Variants in SERTM1 observed in about 807,000 individuals in gnomAD.
SERTM1 encodes the protein serine rich and transmembrane domain containing 1.
SERTM1 carries 1 observed loss-of-function variant against 5.5 expected under a neutral mutation model. That is an observed-to-expected ratio of 0.18 (90% CI 0.06 to 0.86). The LOEUF (loss-of-function observed/expected upper bound fraction) is 0.86. SERTM1 is among the 40% of genes least tolerant of loss of function. SERTM1 has a pLI of 0.69. For missense variants in SERTM1, 91 were observed against 122.4 expected (o/e 0.74, Z 1.21); for synonymous variants, 52 against 55.1 (o/e 0.94, Z 0.25).
At chr13:36,694,844 C>T in intron 1 of SERTM1, 62 bp from the exon 2 acceptor site, 1 of 519,078 alleles carries the variant, frequency 1.9e-6, no homozygotes, top group East Asian at 3.2e-5. Context: ...GAAATAAAAC[C>T]TAAAAATGGA....
intron 1 of SERTM1, among the ~76,000 whole-genome samples, chr13:36,680,422 T>A (rs1234192897): frequency 2.6e-5 from 4 of 152,120 alleles, no homozygotes; most frequent in African/African-American, 4.8e-5. Flanking sequence ...TTAAAAAAAA[T>A]TAACTTCTTT....
chr13:36,679,144 C>T (rs1257163822), intron 1 of SERTM1, among the ~76,000 whole-genome samples: 3 of 152,014 alleles, frequency 2.0e-5, no homozygotes, highest in Non-Finnish European at 4.4e-5. Context: ...TGGTGCCAGG[C>T]TCAAAAAAAA....
chr13:36,686,721 A>T (rs1230814832), intron 1 of SERTM1, among the ~76,000 whole-genome samples: 2 of 152,194 alleles, frequency 1.3e-5, no homozygotes, highest in African/African-American at 4.8e-5. Flanking sequence ...TAATTATCTA[A>T]TGTACAGTCT....
intron 1 of SERTM1, among the ~76,000 whole-genome samples, chr13:36,684,660 T>C (rs680199): frequency 0.35 from 52,591 of 151,418 alleles, 9,425 homozygotes; most frequent in Non-Finnish European, 0.38. Context: ...ATGATGTGTC[T>C]CTGCATCCCA....
At position 36,695,510 on chromosome 13, in the gene SERTM1, G is replaced by GCTTCTC. The variant is rs2056807751; in HGVS notation, c.*118_*123dup. The GCTTCTC allele has an allele frequency of 1.3e-6, 1 of 765,708 alleles. No individual in the cohort carries two copies. Among genetic ancestry groups the GCTTCTC allele is most frequent in the African/African-American group, 1.8e-5 (1 of 56,858 alleles). The allele number at this position is 765,708 out of a possible 1,614,324, so 47.4% of individuals were successfully genotyped here. ...GAAATGATCCTTTTGGTGTAGACCT[G>GCTTCTC]CTTCTCCTTCTCCTTTTTCTCTGAT... is the stretch of plus-strand genomic sequence containing the variant. On this transcript the variant is annotated 3_prime_UTR_variant, in exon 2 of 2. Coordinates refer to ENST00000315190, the MANE Select transcript of SERTM1 (RefSeq NM_203451.3).
chr13:36,690,953 C>T (rs544139256), intron 1 of SERTM1, among the ~76,000 whole-genome samples: 1 of 152,198 alleles, frequency 6.6e-6, no homozygotes, highest in Non-Finnish European at 1.5e-5. Flanking sequence ...CGCAAGGGAA[C>T]AAAGCAGCTT....
At chr13:36,694,224 A>T (rs1437698532) in intron 1 of SERTM1, among the ~76,000 whole-genome samples, 2 of 152,096 alleles carry the variant, frequency 1.3e-5, no homozygotes, top group Non-Finnish European at 2.9e-5. Flanking sequence ...CAGACCTCAA[A>T]CCTAAGTCTC....
At chr13:36,679,677 G>A (rs918085657) in intron 1 of SERTM1, among the ~76,000 whole-genome samples, 6 of 152,138 alleles carry the variant, frequency 3.9e-5, no homozygotes, top group African/African-American at 1.4e-4. Flanking sequence ...AAAGTGCTGG[G>A]ATTACAGGTG....
At chr13:36,690,099 G>T (rs2056768419) in intron 1 of SERTM1, among the ~76,000 whole-genome samples, 1 of 152,158 alleles carries the variant, frequency 6.6e-6, no homozygotes, top group Admixed American at 6.5e-5. Context: ...AAATTAAAAA[G>T]ATTGTTCATT....
intron 1 of SERTM1, among the ~76,000 whole-genome samples, chr13:36,678,496 C>T (rs1202883833): frequency 6.7e-6 from 1 of 150,224 alleles, no homozygotes; most frequent in African/African-American, 2.4e-5. Flanking sequence ...GAACAACACA[C>T]ACTGGGGCCT....
intron 1 of SERTM1, among the ~76,000 whole-genome samples, chr13:36,680,650 T>C (rs1453716876): frequency 1.3e-5 from 2 of 152,240 alleles, no homozygotes; most frequent in African/African-American, 2.4e-5. Flanking sequence ...TAAAGACTTG[T>C]AGCTCTCTGA....
chr13:36,693,408 TC>T (rs1314357301), intron 1 of SERTM1, among the ~76,000 whole-genome samples: 1 of 151,610 alleles, frequency 6.6e-6, no homozygotes, highest in Non-Finnish European at 1.5e-5. Context: ...TTTTTTTTTT[TC>T]CTTAAGGTTG....
At position 36,697,083 on chromosome 13, in the gene SERTM1, T is replaced by C. The variant is rs2056819326; in HGVS notation, c.*1681T>C. On this transcript the variant is annotated 3_prime_UTR_variant, in exon 2 of 2. Coordinates refer to ENST00000315190, the MANE Select transcript of SERTM1 (RefSeq NM_203451.3). Reference sequence around the variant, plus strand: ...AAATCAGAACACATTTAACTATTTATATATCAAAAACGTCCCCAAACACCA... The same window carrying C: ...AAATCAGAACACATTTAACTATTTACATATCAAAAACGTCCCCAAACACCA... 1 of 166,984 alleles carries C rather than the reference T, an allele frequency of 6.0e-6. No individual in the cohort carries two copies. Among genetic ancestry groups the C allele is most frequent in the South Asian group, 2.1e-4 (1 of 4,822 alleles). 10.3% of individuals were successfully genotyped at this position (166,984 alleles called of 1,614,324 possible).
At chr13:36,690,473 A>G (rs1462895900) in intron 1 of SERTM1, among the ~76,000 whole-genome samples, 1 of 152,194 alleles carries the variant, frequency 6.6e-6, no homozygotes, top group Non-Finnish European at 1.5e-5. Context: ...GAAGATTTAC[A>G]TTTAGAGAAG....
rs2056811893 is a variant in SERTM1 at position 36,696,077 on chromosome 13, G to A, written c.*675G>A. Reference sequence around the variant, plus strand: ...GCTTGTGATGTATTTCTGCCTCCTGGAGTTTTATTTTGTTTTTCTGCTTAT... The same window carrying A: ...GCTTGTGATGTATTTCTGCCTCCTGAAGTTTTATTTTGTTTTTCTGCTTAT... On this transcript the variant is annotated 3_prime_UTR_variant, in exon 2 of 2. Coordinates refer to ENST00000315190, the MANE Select transcript of SERTM1 (RefSeq NM_203451.3). The A allele has an allele frequency of 6.0e-6, 1 of 166,852 alleles. No individual in the cohort carries two copies. The highest frequency in any genetic ancestry group is 1.5e-5 in the Non-Finnish European group (1 of 68,100). 10.3% of individuals were successfully genotyped at this position (166,852 alleles called of 1,614,324 possible).
intron 1 of SERTM1, among the ~76,000 whole-genome samples, chr13:36,677,679 T>C (rs1057363534): frequency 2.5e-4 from 38 of 152,284 alleles, no homozygotes; most frequent in African/African-American, 8.9e-4. Flanking sequence ...TCAGGGAACA[T>C]TCAACGTATA....
rs1044439566 is a variant in SERTM1 at position 36,697,202 on chromosome 13, T to C, written c.*1800T>C. 1.8e-5 allele frequency: 3 copies of C among 166,558 alleles called. No homozygotes were observed. The highest frequency in any genetic ancestry group is 4.4e-5 in the Non-Finnish European group (3 of 68,048). 10.3% of individuals were successfully genotyped at this position (166,558 alleles called of 1,614,324 possible). On this transcript the variant is annotated 3_prime_UTR_variant, in exon 2 of 2. Transcript: ENST00000315190. ...AAGCATGGCAGTGGGTTGGGTGTCA[T>C]TATGTAGTATAAAAACTGGACTAGA... is the stretch of plus-strand genomic sequence containing the variant.
chr13:36,692,062 T>A (rs1363193444), intron 1 of SERTM1, among the ~76,000 whole-genome samples: 1 of 152,208 alleles, frequency 6.6e-6, no homozygotes, highest in Non-Finnish European at 1.5e-5. Context: ...GATTTTAAAT[T>A]AAGAAGTACC....
rs2056822145 is a variant in SERTM1, at chr13:36,697,312, A to ATATATATATATATAT, written c.*1910_*1911insTATATATATATATAT. The stretch of plus-strand genomic sequence containing the variant: ...ATACGCACACACACACACACACATA[A>ATATATATATATATAT]ATATATATATATATATATATATATA... On this transcript the variant is annotated 3_prime_UTR_variant, in exon 2 of 2. Transcript: ENST00000315190. The ATATATATATATATAT allele has an allele frequency of 1.3e-4, 18 of 143,818 alleles. No homozygotes were observed. Among genetic ancestry groups the ATATATATATATATAT allele is most frequent in the African/African-American group, 5.0e-4 (18 of 36,202 alleles). The allele number at this position is 143,818 out of a possible 1,614,324, so 8.9% of individuals were successfully genotyped here.
Sources: gnomAD v4.1 joint callset for allele counts (sites outside exome capture counted in the v4.1 genomes callset) on GRCh38, gnomAD v4.1.1 for gene constraint, MANE v1.5 for transcripts, NCBI Gene and HGNC (gene_info 2026-07-23, HGNC 2026-07-21) for gene names.